DYNC2H1: variants seen among roughly 807,000 people sequenced by gnomAD.
The protein encoded by DYNC2H1 is cytoplasmic dynein 2 heavy chain 1.
In DYNC2H1, 410 loss-of-function variants were observed where a neutral mutation model predicts 570.0. The observed-to-expected ratio is 0.72, with a 90% CI of 0.66 to 0.78. The LOEUF (loss-of-function observed/expected upper bound fraction) is 0.78, where lower values mean the gene tolerates loss of function less well. DYNC2H1 is among the 30% of genes least tolerant of loss of function. DYNC2H1 has a pLI of 0.00. For synonymous variants in DYNC2H1, 1,688 were observed against 1,677.6 expected (o/e 1.01, Z -0.15); for missense variants, 4,865 against 5,046.4 (o/e 0.96, Z 1.09).
intron 82 of DYNC2H1, among the ~76,000 whole-genome samples, chr11:103,342,980 G>A (rs1195019156): frequency 6.6e-6 from 1 of 152,038 alleles, no homozygotes; most frequent in African/African-American, 2.4e-5. Context: ...AGAATTTGGG[G>A]GCTAAACACT....
chr11:103,217,111 C>T (rs2135139386), intron 55 of DYNC2H1, among the ~76,000 whole-genome samples: 1 of 152,224 alleles, frequency 6.6e-6, no homozygotes, highest in African/African-American at 2.4e-5. Context: ...AATCTAATGC[C>T]TCTTTTATGA....
In DYNC2H1 at chr11:103,154,504, G is replaced by T; in HGVS notation, c.3356G>T (p.Ser1119Ile). ...GAGCCTAATTTCTCCCTGGCAAGTA[G>T]TATCTCTAAAGATATCGAGAGCTGT... is the stretch of plus-strand genomic sequence containing the variant. ...LEEPNFSLAS[S>I]ISKDIESCAQ... The change falls in exon 23 of 89, where the codon AGT (serine) becomes ATT (isoleucine). Residue 1119 changes from serine (S) to isoleucine (I), a missense_variant. Around this residue, in one of 5 missense-constraint regions of DYNC2H1, gnomAD observed 1,936 missense variants for 1,962.1 expected, o/e 0.99. Transcript: ENST00000375735. 1 of 1,568,360 alleles carries T rather than the reference G, an allele frequency of 6.4e-7. No individual in the cohort carries two copies. Among genetic ancestry groups the T allele is most frequent in the Non-Finnish European group, 8.6e-7 (1 of 1,157,804 alleles).
intron 50 of DYNC2H1, 70 bp downstream of exon 50, chr11:103,200,224 T>C (rs1862664617): frequency 8.4e-7 from 1 of 1,187,416 alleles, no homozygotes; most frequent in Non-Finnish European, 1.2e-6. Context: ...AAAATTATCT[T>C]GTGCAAAATT....
chr11:103,455,523 C>A (rs1047780755), intron 86 of DYNC2H1, among the ~76,000 whole-genome samples: 1 of 152,032 alleles, frequency 6.6e-6, no homozygotes, highest in Non-Finnish European at 1.5e-5. Context: ...TAAAATGTAA[C>A]TTTTATAATT....
At chr11:103,208,192 G>C (rs1202821230) in intron 52 of DYNC2H1, among the ~76,000 whole-genome samples, 2 of 152,146 alleles carry the variant, frequency 1.3e-5, no homozygotes, top group Admixed American at 1.3e-4. Context: ...CCAAGGAATT[G>C]AGACATGAGG....
At chr11:103,419,692 C>T (rs890443895) in intron 84 of DYNC2H1, among the ~76,000 whole-genome samples, 1 of 152,038 alleles carries the variant, frequency 6.6e-6, no homozygotes, top group Non-Finnish European at 1.5e-5. Context: ...ATCAATGCAA[C>T]AACACCAAAA....
chr11:103,365,857 TG>T (rs1940882941), intron 83 of DYNC2H1, among the ~76,000 whole-genome samples: 1 of 152,264 alleles, frequency 6.6e-6, no homozygotes, highest in African/African-American at 2.4e-5. Flanking sequence ...TGGACTAATC[TG>T]TAGCTTTTGT....
intron 38 of DYNC2H1, among the ~76,000 whole-genome samples, chr11:103,178,637 T>G (rs1310581204): frequency 6.6e-6 from 1 of 152,072 alleles, no homozygotes; most frequent in African/African-American, 2.4e-5. Context: ...TCAAGAAAAT[T>G]TGACAGTGGT....
At chr11:103,257,550 T>C in intron 68 of DYNC2H1, 58 bp from the exon 69 acceptor site, 1 of 1,489,256 alleles carries the variant, frequency 6.7e-7, no homozygotes, top group Non-Finnish European at 9.0e-7. Flanking sequence ...TAGGTGGCAG[T>C]AAAGCACTAA....
chr11:103,319,217 A>G lies in DYNC2H1; in HGVS notation c.11726-1812A>G, dbSNP rs140850912. The stretch of plus-strand genomic sequence containing the variant: ...GATATATAAATAGGTATCTTACACC[A>G]TTATGTTTTGAATAAAAGGCAGATG... On this transcript the variant is annotated intron_variant, in intron 80 of 88. Transcript: ENST00000375735. This position sits in a 1 kb window ranked among gnomAD's most constrained non-coding sequence, Gnocchi z 4.3. Among the ~76,000 whole-genome samples the G allele has an allele frequency of 3.8e-3, 584 of 152,290 alleles. 4 individuals are homozygous for G. Among genetic ancestry groups the G allele is most frequent in the African/African-American group, 0.013 (560 of 41,588 alleles).
At chr11:103,257,102 T>C (rs1865087455) in intron 68 of DYNC2H1, among the ~76,000 whole-genome samples, 1 of 152,182 alleles carries the variant, frequency 6.6e-6, no homozygotes, top group Non-Finnish European at 1.5e-5. Context: ...GTGGAGGTTT[T>C]AGAAGGTGAC....
At chr11:103,346,068 A>G (rs1459920589) in intron 82 of DYNC2H1, among the ~76,000 whole-genome samples, 1 of 151,998 alleles carries the variant, frequency 6.6e-6, no homozygotes, top group Non-Finnish European at 1.5e-5. Flanking sequence ...GCAAAATTTT[A>G]AAAACCTGTT....
rs183326316 is a variant in DYNC2H1 at position 103,337,452 on chromosome 11, G to A, written c.12039+13462G>A. On this transcript the variant is annotated intron_variant, in intron 82 of 88. Coordinates refer to ENST00000375735, the MANE Select transcript of DYNC2H1 (RefSeq NM_001377.3). Reference sequence around the variant, plus strand: ...AGTATTTCTATTTTTGGTTTTTTGAGGAACATCCATACTGTTTTCCATAGT... The same window carrying A: ...AGTATTTCTATTTTTGGTTTTTTGAAGAACATCCATACTGTTTTCCATAGT... 2.2e-3 allele frequency among the ~76,000 whole-genome samples: 336 copies of A among 152,176 alleles called. 1 individual carries two copies. Among genetic ancestry groups the A allele is most frequent in the Non-Finnish European group, 3.8e-3 (257 of 67,996 alleles).
rs751059612 is a variant in DYNC2H1, at chr11:103,253,291, G to A, written c.10049G>A (p.Arg3350His). ...LRRDLVAQGPRYVVQIGDKII... is the reference protein window; with the variant it reads ...LRRDLVAQGPHYVVQIGDKII... ...GTGTGTTTTTTTTAAATAGGACCAC[G>A]TTATGTGGTACAAATAGGTGACAAA... Residue 3350 changes from arginine to histidine, a missense_variant, in exon 66 of 89, where the codon CGT becomes CAT. Physicochemically the swap from Arg to His is conservative, Grantham distance 29. This residue lies in a region of DYNC2H1 where 2,401 missense variants were observed against 2,454.6 expected (regional missense o/e 0.98). Coordinates refer to ENST00000375735, the MANE Select transcript of DYNC2H1 (RefSeq NM_001377.3). The A allele has an allele frequency of 5.0e-5, 81 of 1,610,584 alleles. No homozygotes were observed. The highest frequency in any genetic ancestry group is 8.0e-5 in the African/African-American group (6 of 74,802).
chr11:103,313,213 TCAGGC>T (rs1867677487), intron 79 of DYNC2H1, among the ~76,000 whole-genome samples: 2 of 152,182 alleles, frequency 1.3e-5, no homozygotes, highest in Non-Finnish European at 2.9e-5. Flanking sequence ...CAGCCTCCTC[TCAGGC>T]CCTTTGTGTC....
intron 31 of DYNC2H1, 133 bp downstream of exon 31, chr11:103,166,181 A>C: frequency 1.6e-6 from 1 of 608,354 alleles, no homozygotes. Context: ...TATATACTTA[A>C]ATTTTTATAA....
In DYNC2H1 at chr11:103,461,433, G is replaced by A. The variant is rs1485611857; in HGVS notation, c.12648+5077G>A. On this transcript the variant is annotated intron_variant, in intron 87 of 88. Coordinates refer to ENST00000375735, the MANE Select transcript of DYNC2H1 (RefSeq NM_001377.3). The surrounding 1 kb of genome is among the most constrained non-coding windows in gnomAD (Gnocchi z 4.8). ...ATTTATGTATTGATTTTCAGTTCCT[G>A]AACATGGCCCTCTAAAATTCCTGCC... is the stretch of plus-strand genomic sequence containing the variant. Among the ~76,000 whole-genome samples the A allele has an allele frequency of 2.6e-5, 4 of 152,086 alleles. No homozygotes were observed. The highest frequency in any genetic ancestry group is 5.9e-5 in the Non-Finnish European group (4 of 68,024).
intron 83 of DYNC2H1, among the ~76,000 whole-genome samples, chr11:103,361,978 T>C (rs1273912773): frequency 6.6e-6 from 1 of 152,118 alleles, no homozygotes; most frequent in Admixed American, 6.6e-5. Context: ...TTAGGTGGAA[T>C]AAGGAGACTG....
rs757864560 is a variant in DYNC2H1, at chr11:103,321,113, T to A, written c.11810T>A (p.Leu3937His). 9.3e-6 allele frequency: 15 copies of A among 1,612,518 alleles called. No individual in the cohort carries two copies. The highest frequency in any genetic ancestry group is 1.2e-5 in the Non-Finnish European group (14 of 1,179,262). Reference sequence around the variant, plus strand: ...GGACGTATAGACAACTATTTTGACCTTAGAGTTCTTCAGTCATACCTGAAG... The same window carrying A: ...GGACGTATAGACAACTATTTTGACCATAGAGTTCTTCAGTCATACCTGAAG... ...YGGRIDNYFD[L>H]RVLQSYLKQF... The change falls in exon 81 of 89, where the codon CTT becomes CAT. Residue 3937 changes from leucine (L) to histidine (H), a missense_variant. Leu to His is a moderately conservative substitution (Grantham distance 99). Transcript: ENST00000375735.
Sources: gnomAD v4.1 joint callset for allele counts (sites outside exome capture counted in the v4.1 genomes callset) on GRCh38, gnomAD v4.1.1 for gene constraint, gnomAD v4.1.1 regional missense constraint, Gnocchi (gnomAD v3.1) non-coding constraint, MANE v1.5 for transcripts, NCBI Gene and HGNC (gene_info 2026-07-23, HGNC 2026-07-21) for gene names.